PPM1E: variants seen among roughly 807,000 people sequenced by gnomAD.
PPM1E encodes the protein protein phosphatase 1E.
Under a neutral mutation model 65.9 loss-of-function variants are expected in PPM1E, and 20 were observed. The observed-to-expected ratio is 0.30, with a 90% CI of 0.21 to 0.44. The LOEUF is 0.44. Ranked by LOEUF, PPM1E falls within the 20% of genes least tolerant of loss-of-function variation. The pLI is 1.00. For synonymous variants in PPM1E, 352 were observed against 374.9 expected, an observed-to-expected ratio of 0.94 and a Z score of 0.70; for missense variants, 713 against 953.1, an observed-to-expected ratio of 0.75 and a Z score of 3.32.
At chr17:58,849,755 TG>T (rs1374839055) in intron 1 of PPM1E, among the ~76,000 whole-genome samples, 1 of 152,212 alleles carries the variant, frequency 6.6e-6, no homozygotes, top group East Asian at 1.9e-4. Flanking sequence ...TCTGTTGATT[TG>T]GGGTGGAGAG....
intron 1 of PPM1E, among the ~76,000 whole-genome samples, chr17:58,887,428 A>G (rs897495542): frequency 3.3e-5 from 5 of 152,084 alleles, no homozygotes; most frequent in African/African-American, 4.8e-5. Context: ...CGGCCTCCCA[A>G]TGTGCTGAGA....
chr17:58,779,225 G>A (rs2062466019), intron 1 of PPM1E, among the ~76,000 whole-genome samples: 2 of 149,014 alleles, frequency 1.3e-5, no homozygotes, highest in South Asian at 2.1e-4. Flanking sequence ...GCCCAAGCTG[G>A]AGTGCAATGG....
At chr17:58,808,231 T>G (rs2143084388) in intron 1 of PPM1E, among the ~76,000 whole-genome samples, 1 of 152,338 alleles carries the variant, frequency 6.6e-6, no homozygotes, top group Middle Eastern at 3.4e-3. Context: ...TAAGTTTTAA[T>G]GCCTAGTAGG....
At chr17:58,773,385 T>G (rs2049959521) in intron 1 of PPM1E, among the ~76,000 whole-genome samples, 1 of 152,086 alleles carries the variant, frequency 6.6e-6, no homozygotes, top group Admixed American at 6.6e-5. Flanking sequence ...AGTGAGATAA[T>G]TTTTTATTAG....
At chr17:58,849,132 T>C (rs2143253267) in intron 1 of PPM1E, among the ~76,000 whole-genome samples, 1 of 152,314 alleles carries the variant, frequency 6.6e-6, no homozygotes, top group East Asian at 1.9e-4. Flanking sequence ...CCCTTTATTA[T>C]TTTTTATTGC....
intron 1 of PPM1E, among the ~76,000 whole-genome samples, chr17:58,783,565 C>T (rs1027297720): frequency 1.3e-5 from 2 of 152,156 alleles, no homozygotes; most frequent in Non-Finnish European, 2.9e-5. Context: ...AGCCCTTTCT[C>T]ATGTGGCAAA....
At chr17:58,948,443 C>A (rs189859701) in intron 1 of PPM1E, among the ~76,000 whole-genome samples, 2 of 152,072 alleles carry the variant, frequency 1.3e-5, no homozygotes, top group African/African-American at 4.8e-5. Context: ...GATAAGATTT[C>A]TTATCTGGCA....
At chr17:58,851,239 A>AGATCG (rs2050823439) in intron 1 of PPM1E, among the ~76,000 whole-genome samples, 1 of 152,168 alleles carries the variant, frequency 6.6e-6, no homozygotes, top group South Asian at 2.1e-4. Context: ...TGTAGCTCGG[A>AGATCG]GAAGTTTGTT....
intron 1 of PPM1E, among the ~76,000 whole-genome samples, chr17:58,925,911 C>CAT (rs2051818262): frequency 1.3e-5 from 2 of 152,072 alleles, no homozygotes; most frequent in Admixed American, 6.6e-5. Context: ...TAAAAAAATA[C>CAT]ATATATATAA....
intron 2 of PPM1E, among the ~76,000 whole-genome samples, chr17:58,957,169 A>T (rs1290301982): frequency 6.6e-6 from 1 of 152,166 alleles, no homozygotes; most frequent in African/African-American, 2.4e-5. Flanking sequence ...AATGACATTA[A>T]TGACTGATGA....
chr17:58,874,727 C>T (rs878989178), intron 1 of PPM1E, among the ~76,000 whole-genome samples: 3 of 152,124 alleles, frequency 2.0e-5, no homozygotes, highest in Admixed American at 2.0e-4. Flanking sequence ...ATAATTGGGA[C>T]TTTTAAAGAT....
intron 1 of PPM1E, among the ~76,000 whole-genome samples, chr17:58,853,354 T>G (rs965506174): frequency 2.6e-5 from 4 of 152,216 alleles, no homozygotes; most frequent in African/African-American, 9.6e-5. Context: ...ATCCATTTGT[T>G]GAAAAGGCTG....
chr17:58,783,514 C>G (rs1598568323), intron 1 of PPM1E, among the ~76,000 whole-genome samples: 1 of 152,128 alleles, frequency 6.6e-6, no homozygotes, highest in African/African-American at 2.4e-5. Flanking sequence ...TTAGGTACTA[C>G]CTTTGAGAAA....
intron 1 of PPM1E, among the ~76,000 whole-genome samples, chr17:58,938,588 T>A (rs2143594186): frequency 6.6e-6 from 1 of 152,240 alleles, no homozygotes; most frequent in South Asian, 2.1e-4. Context: ...AATACATAAA[T>A]AATAGTCTTT....
chr17:58,794,577 C>T (rs112791936), intron 1 of PPM1E, among the ~76,000 whole-genome samples: 8 of 152,134 alleles, frequency 5.3e-5, no homozygotes, highest in South Asian at 2.1e-4. Context: ...CTTCATCTTC[C>T]GGTAGGCCCC....
chr17:58,942,005 CA>C (rs1173378193), intron 1 of PPM1E, among the ~76,000 whole-genome samples: 3,241 of 67,804 alleles, frequency 0.048, 66 homozygotes, highest in African/African-American at 0.11. Context: ...GACTTCGTCT[CA>C]AAAAAAAAAA....
intron 1 of PPM1E, among the ~76,000 whole-genome samples, chr17:58,779,643 G>C (rs1352520113): frequency 1.3e-5 from 2 of 152,098 alleles, no homozygotes; most frequent in Non-Finnish European, 2.9e-5. Context: ...ATTTGGTTCA[G>C]ATTTTTGCCA....
chr17:58,964,285 T>TC, intron 2 of PPM1E, among the ~76,000 whole-genome samples: 1 of 152,154 alleles, frequency 6.6e-6, no homozygotes, highest in Non-Finnish European at 1.5e-5. Context: ...GAGGAACTTC[T>TC]AAAATACTGG....
At chr17:58,872,942 G>A (rs561959265) in intron 1 of PPM1E, among the ~76,000 whole-genome samples, 62 of 152,324 alleles carry the variant, frequency 4.1e-4, no homozygotes, top group African/African-American at 1.4e-3. Flanking sequence ...GTGATAATTT[G>A]AAGAGATCTT....
Sources: allele counts gnomAD v4.1 joint callset (sites outside exome capture counted in the v4.1 genomes callset), GRCh38; gene constraint gnomAD v4.1.1; transcripts MANE v1.5; gene names NCBI Gene and HGNC (gene_info 2026-07-23, HGNC 2026-07-21).